Variants in LINGO2 observed in about 807,000 individuals in gnomAD.
The protein encoded by LINGO2 is leucine-rich repeat and immunoglobulin-like domain-containing nogo receptor-interacting protein 2.
LINGO2 carries 14 observed loss-of-function variants against 30.6 expected under a neutral mutation model. That is an observed-to-expected ratio of 0.46 (90% CI 0.30 to 0.72). The LOEUF (loss-of-function observed/expected upper bound fraction) is 0.72, where lower values mean the gene tolerates loss of function less well. LINGO2 is among the 30% of genes least tolerant of loss of function. The pLI, the probability that LINGO2 is intolerant of heterozygous loss-of-function variation, is 0.07. For synonymous variants in LINGO2, 317 were observed against 288.5 expected (o/e 1.10, Z -1.00); for missense variants, 729 against 751.7 (o/e 0.97, Z 0.35).
chr9:29,064,281 A>G, the LINGO2 span, among the ~76,000 whole-genome samples: 4 of 152,222 alleles, frequency 2.6e-5, no homozygotes, highest in African/African-American at 9.6e-5. Flanking sequence ...AAGCTTATAA[A>G]TAGCACCAAA....
intron 4 of LINGO2, among the ~76,000 whole-genome samples, chr9:28,084,300 C>T (rs1329183820): frequency 6.6e-6 from 1 of 152,044 alleles, no homozygotes; most frequent in Non-Finnish European, 1.5e-5. Context: ...AAGTATCAGT[C>T]ACTTGGTATC....
chr9:28,043,467 G>A (rs558924194), intron 4 of LINGO2, among the ~76,000 whole-genome samples: 3 of 152,306 alleles, frequency 2.0e-5, no homozygotes, highest in African/African-American at 4.8e-5. Flanking sequence ...AAGGTGAGGG[G>A]TTGAGAGACT....
chr9:28,437,460 G>T (rs552762020), intron 2 of LINGO2, among the ~76,000 whole-genome samples: 19 of 151,914 alleles, frequency 1.3e-4, no homozygotes, highest in Non-Finnish European at 2.5e-4. Flanking sequence ...CAGACAGCCT[G>T]TTGTGGAACT....
chr9:28,490,189 A>G (rs1826342429), intron 1 of LINGO2, among the ~76,000 whole-genome samples: 1 of 152,118 alleles, frequency 6.6e-6, no homozygotes, highest in South Asian at 2.1e-4. Flanking sequence ...GGCCCAGTGG[A>G]ACAAGTAAAC....
chr9:28,538,019 C>G (rs1406499083), intron 1 of LINGO2, among the ~76,000 whole-genome samples: 2 of 152,048 alleles, frequency 1.3e-5, no homozygotes, highest in Non-Finnish European at 2.9e-5. Flanking sequence ...GTTAACAAGA[C>G]AGTGAAAAAA....
At chr9:28,004,309 AAT>A (rs1822146955) in intron 5 of LINGO2, among the ~76,000 whole-genome samples, 1 of 152,216 alleles carries the variant, frequency 6.6e-6, no homozygotes, top group African/African-American at 2.4e-5. Context: ...TGTATATTTA[AAT>A]AGACAGTAGC....
intron 1 of LINGO2, among the ~76,000 whole-genome samples, chr9:28,566,419 T>A (rs774968344): frequency 2.0e-5 from 3 of 152,194 alleles, no homozygotes; most frequent in Non-Finnish European, 4.4e-5. Context: ...ATATAACTAC[T>A]ATGCCACATG....
Position 28,375,132 on chromosome 9 carries a change from ACATACAC to A in LINGO2, c.-278-2271_-278-2265del, listed in dbSNP as rs1477527869. On this transcript the variant is annotated intron_variant, in intron 2 of 5. Transcript: ENST00000379992. ...CACACACACACACACACACACACAC[ACATACAC>A]CCCACACTAAGCTTCTCTCCACTCC... Among the ~76,000 whole-genome samples the A allele has an allele frequency of 5.3e-3, 631 of 119,458 alleles. 2 individuals carry two copies. Among genetic ancestry groups the A allele is most frequent in the Non-Finnish European group, 7.7e-3 (439 of 56,834 alleles). 78.4% of individuals were successfully genotyped at this position (119,458 alleles called of 152,430 possible).
chr9:28,447,707 T>A lies in LINGO2; in HGVS notation c.-279+28233A>T, dbSNP rs117538368. On this transcript the variant is annotated intron_variant, in intron 2 of 5. Transcript: ENST00000379992. ...AATAGAATCTTCTCTCAGTATTCAT[T>A]AAAGTCTAAATGCACAGCTAACATT... Among the ~76,000 whole-genome samples the A allele has an allele frequency of 4.1e-4, 63 of 152,352 alleles. 1 individual carries two copies. In the East Asian group the frequency reaches 0.01, roughly 25 times the overall value.
intron 2 of LINGO2, among the ~76,000 whole-genome samples, chr9:28,408,782 A>T (rs1478606564): frequency 1.3e-5 from 1 of 78,770 alleles, no homozygotes; most frequent in Non-Finnish European, 3.6e-5. Flanking sequence ...AACAAAAAAA[A>T]AAAAACAAAA....
chr9:28,889,921 C>G, the LINGO2 span, among the ~76,000 whole-genome samples: 1 of 151,796 alleles, frequency 6.6e-6, no homozygotes, highest in South Asian at 2.1e-4. Flanking sequence ...TTAGTTTGTT[C>G]AAATGAAAAA....
Position 28,609,844 on chromosome 9 carries a change from A to T in LINGO2, c.-365+60356T>A, listed in dbSNP as rs138943102. Among the ~76,000 whole-genome samples, 25 of 152,266 alleles carry T rather than the reference A, an allele frequency of 1.6e-4. 1 individual carries two copies. The East Asian group carries it at 4.1e-3, about 25-fold the overall frequency. On this transcript the variant is annotated intron_variant, in intron 1 of 5. Transcript: ENST00000379992. ...CACAAAACCCTAGGAAAATTCTAAA[A>T]GTCCTTCAATATGAAAATGACTAAA...
chr9:29,113,725 C>T, the LINGO2 span, among the ~76,000 whole-genome samples: 1 of 152,122 alleles, frequency 6.6e-6, no homozygotes, highest in Admixed American at 6.6e-5. Flanking sequence ...AGACTTGTAA[C>T]AGACAATTAA....
the LINGO2 span, among the ~76,000 whole-genome samples, chr9:29,164,123 G>A: frequency 2.6e-4 from 39 of 152,018 alleles, no homozygotes; most frequent in African/African-American, 8.4e-4. Flanking sequence ...AAAAAAAGGG[G>A]GCCTCTCACC....
the LINGO2 span, among the ~76,000 whole-genome samples, chr9:29,142,213 A>G: frequency 1.3e-4 from 19 of 151,970 alleles, 1 homozygote; most frequent in Admixed American, 9.2e-4. Flanking sequence ...TTTCTTTTTC[A>G]AATACAGTAG....
chr9:28,236,547 C>G (rs978259933), intron 4 of LINGO2, among the ~76,000 whole-genome samples: 4 of 152,074 alleles, frequency 2.6e-5, no homozygotes, highest in African/African-American at 9.6e-5. Context: ...ACATATTCAG[C>G]CATAAAAAAG....
At chr9:29,161,186 G>GCC in the LINGO2 span, among the ~76,000 whole-genome samples, 4 of 152,110 alleles carry the variant, frequency 2.6e-5, no homozygotes, top group Admixed American at 1.3e-4. Context: ...AAAGCAGGCT[G>GCC]CCGAGAGGAG....
chr9:28,663,165 A>ATT (rs143151156), intron 1 of LINGO2, among the ~76,000 whole-genome samples: 3 of 151,032 alleles, frequency 2.0e-5, no homozygotes, highest in African/African-American at 7.3e-5. Context: ...GTGCAGTTGT[A>ATT]TTTTTTTTTG....
chr9:28,148,800 G>T lies in LINGO2; in HGVS notation c.-86-136395C>A. On this transcript the variant is annotated intron_variant, in intron 4 of 5. Coordinates refer to ENST00000379992, the Ensembl canonical transcript of LINGO2. The surrounding 1 kb of genome is among the most constrained non-coding windows in gnomAD (Gnocchi z 5.1). ...GCCCCAGTTCCAGGCTGCTCCCTGT[G>T]GCCAGAGAAGGCGGCCTTGAAGGTG... The T allele has an allele frequency of 1.3e-6, 2 of 1,533,946 alleles. No homozygotes were observed. Among genetic ancestry groups the T allele is most frequent in the Non-Finnish European group, 1.7e-6 (2 of 1,146,616 alleles).
Sources: gnomAD v4.1 joint callset for allele counts (sites outside exome capture counted in the v4.1 genomes callset) on GRCh38, gnomAD v4.1.1 for gene constraint, Gnocchi (gnomAD v3.1) non-coding constraint, MANE v1.5 for transcripts, NCBI Gene and HGNC (gene_info 2026-07-23, HGNC 2026-07-21) for gene names.